BAG1: variants seen among roughly 807,000 people sequenced by gnomAD.
The protein encoded by BAG1 is BAG family molecular chaperone regulator 1.
BAG1 carries 35 observed loss-of-function variants against 35.5 expected under a neutral mutation model. The ratio of observed to expected loss-of-function variants is 0.99; its 90% confidence interval spans 0.75 to 1.31. The LOEUF is 1.31. BAG1 is among the 50% of genes most tolerant of loss of function. BAG1 has a pLI of 0.00. For synonymous variants in BAG1, 191 were observed against 178.9 expected (o/e 1.07, Z -0.54); for missense variants, 464 against 453.6 (o/e 1.02, Z -0.21).
Position 33,253,728 on chromosome 9 carries a change from T to C in BAG1, c.*1491A>G, listed in dbSNP as rs910805790. On this transcript the variant is annotated 3_prime_UTR_variant, in exon 7 of 7. Transcript: ENST00000634734. ...TATCAATGTTATTAAGCATAAATTA[T>C]GACTAGAGCCACAGAATGATTTCCT... 25 of 141,480 alleles carry C rather than the reference T, an allele frequency of 1.8e-4. No homozygotes were observed. The highest frequency in any genetic ancestry group is 6.6e-4 in the African/African-American group (24 of 36,260). The allele number at this position is 141,480 out of a possible 1,614,324, so 8.8% of individuals were successfully genotyped here.
rs180733352 is a variant in BAG1, at chr9:33,264,433, G to A, written c.242C>T (p.Thr81Ile). Residue 81 changes from threonine (T) to isoleucine (I), a missense_variant, in exon 1 of 7, where the codon ACC (threonine) becomes ATC (isoleucine). Transcript: ENST00000634734. ...GCTCCGGGTCAACTCCTCGCTCCGG[G>A]TCGAGCGGCGCCGGGTTTTCTTCTT... is the stretch of plus-strand genomic sequence containing the variant. 2.5e-6 allele frequency: 4 copies of A among 1,613,606 alleles called. No individual in the cohort carries two copies. In the South Asian group the frequency reaches 4.4e-5, roughly 18 times the overall value.
rs200482625 is a variant in BAG1 at position 33,261,078 on chromosome 9, G to T, written c.663+9C>A. The T allele has an allele frequency of 7.5e-6, 12 of 1,597,354 alleles. No homozygotes were observed. The highest frequency in any genetic ancestry group is 1.0e-5 in the Non-Finnish European group (12 of 1,170,668). On this transcript the variant is annotated intron_variant, in intron 3 of 6. Transcript: ENST00000634734. ...ATTCTGAGGATTTCTGATGGAAAAA[G>T]CAATTTACCTTTTTCCCAATTAACA... is the stretch of plus-strand genomic sequence containing the variant.
chr9:33,257,122 A>AGCAGGT lies in BAG1; in HGVS notation c.778-215_778-214insACCTGC. ...CAGGTTGCAGTCTGCTCTACCTCGC[A>AGCAGGT]TGACCCACTGTGGCTGCAAATGCCT... is the stretch of plus-strand genomic sequence containing the variant. On this transcript the variant is annotated intron_variant, in intron 4 of 6. Coordinates refer to ENST00000634734, the MANE Select transcript of BAG1 (RefSeq NM_004323.6). 13 of 514,384 alleles carry AGCAGGT rather than the reference A, an allele frequency of 2.5e-5. No individual in the cohort carries two copies. The South Asian group carries it at 3.5e-4, about 14-fold the overall frequency. The allele number at this position is 514,384 out of a possible 1,614,324, so 31.9% of individuals were successfully genotyped here.
chr9:33,262,871 A>C (rs776102791), intron 1 of BAG1, 41 bp from the exon 2 acceptor site: 4 of 1,609,130 alleles, frequency 2.5e-6, no homozygotes, highest in African/African-American at 1.3e-5. Context: ...TGATTCTTTC[A>C]CATACACCAA....
chr9:33,264,336 GCCCTGGGTCGCCTCCTCA>G lies in BAG1; in HGVS notation c.321_338del (p.Ala110_Glu115del), dbSNP rs779446080. The G allele has an allele frequency of 1.9e-6, 3 of 1,612,926 alleles. No homozygotes were observed. The Admixed American group carries it at 5.0e-5, about 27-fold the overall frequency. On this transcript the variant is annotated inframe_deletion, in exon 1 of 7. Transcript: ENST00000634734. ...CCTCCTGGCTCCGATTCATCTCTTC[GCCCTGGGTCGCCTCCTCA>G]CTCTGGGTCGCCTCTTCACTCCAGG...
At chr9:33,264,114 C>G (rs1820645877) in intron 1 of BAG1, 110 bp downstream of exon 1, 2 of 1,312,118 alleles carry the variant, frequency 1.5e-6, no homozygotes, top group Admixed American at 2.5e-5. Flanking sequence ...CGCTTCCGGA[C>G]GCCAGGACAA....
At chr9:33,259,195 T>C (rs1234734328) in intron 3 of BAG1, 162 bp from the exon 4 acceptor site, 3 of 502,618 alleles carry the variant, frequency 6.0e-6, no homozygotes, top group Non-Finnish European at 1.1e-5. Context: ...ACACTGTCTC[T>C]ACTAAAAAAA....
rs770536946 is a variant in BAG1 at position 33,264,239 on chromosome 9, C to A, written c.436G>T (p.Val146Leu). The A allele has an allele frequency of 2.2e-5, 35 of 1,608,982 alleles. No individual in the cohort carries two copies. The South Asian group carries it at 3.7e-4, about 17-fold the overall frequency. The change falls in exon 1 of 7, where the codon GTG becomes TTG. Residue 146 changes from valine (V) to leucine (L), a missense_variant. Val to Leu is a conservative substitution (Grantham distance 32, BLOSUM62 1). Transcript: ENST00000634734. ...CGACACTCACTGTGGGTGACAGTCA[C>A]GGTGAGCCCAGCTGCCGCCATTTCC... is the stretch of plus-strand genomic sequence containing the variant.
At chr9:33,261,201 A>G in intron 2 of BAG1, 32 bp from the exon 3 acceptor site, 1 of 1,502,844 alleles carries the variant, frequency 6.7e-7, no homozygotes, top group Non-Finnish European at 9.2e-7. Flanking sequence ...GCCAAGTTGT[A>G]ATAATTGTAC....
At chr9:33,255,530 G>A (rs1307504391) in intron 6 of BAG1, among the ~76,000 whole-genome samples, 1 of 152,234 alleles carries the variant, frequency 6.6e-6, no homozygotes. Flanking sequence ...CCCCTAAAAG[G>A]TGGTAAAGGC....
chr9:33,261,608 C>T (rs1361022956), intron 2 of BAG1, among the ~76,000 whole-genome samples: 1 of 152,168 alleles, frequency 6.6e-6, no homozygotes, highest in Non-Finnish European at 1.5e-5. Context: ...CTTTTTCATG[C>T]ATTCCTCTAT....
At position 33,252,565 on chromosome 9, in the gene BAG1, ATATATGT is replaced by A. The variant is rs1394984071; in HGVS notation, c.*2647_*2653del. 1 of 149,650 alleles carries A rather than the reference ATATATGT, an allele frequency of 6.7e-6. No homozygotes were observed. The highest frequency in any genetic ancestry group is 2.4e-5 in the African/African-American group (1 of 40,922). 9.3% of individuals were successfully genotyped at this position (149,650 alleles called of 1,614,324 possible). A position where few individuals can be genotyped will look rare whatever the true frequency, so the allele number is the denominator to read the frequency against. Reference sequence around the variant, plus strand: ...ATGTTATATATGTTATGTTATATATATATATGTTATATATGTAATATAACTATATTAC... The same window carrying A: ...ATGTTATATATGTTATGTTATATATATATATATGTAATATAACTATATTAC... On this transcript the variant is annotated 3_prime_UTR_variant, in exon 7 of 7. Transcript: ENST00000634734.
rs981295975 is a variant in BAG1, at chr9:33,253,332, T to C, written c.*1887A>G. 3 of 152,244 alleles carry C rather than the reference T, an allele frequency of 2.0e-5. No individual in the cohort carries two copies. Among genetic ancestry groups the C allele is most frequent in the Admixed American group, 1.3e-4 (2 of 15,292 alleles). The allele number at this position is 152,244 out of a possible 1,614,324, so 9.4% of individuals were successfully genotyped here. On this transcript the variant is annotated 3_prime_UTR_variant, in exon 7 of 7. Transcript: ENST00000634734. ...CGCTTACTCTACAACCTTGCGCTAATGACCTAAGTTCTCTTGGTTTCCTCA... is the reference window on the plus strand; with the variant it reads ...CGCTTACTCTACAACCTTGCGCTAACGACCTAAGTTCTCTTGGTTTCCTCA...
Position 33,264,700 on chromosome 9 carries a change from A to T in BAG1, c.-26T>A. ...GCCCGCACTTGTTGACCGCCCAGCG[A>T]TGGAAGCTGAGCGCGGCGTCTCACA... On this transcript the variant is annotated 5_prime_UTR_variant, in exon 1 of 7. Transcript: ENST00000634734. 7.3e-7 allele frequency: 1 copy of T among 1,361,258 alleles called. No homozygotes were observed. The highest frequency in any genetic ancestry group is 9.4e-7 in the Non-Finnish European group (1 of 1,062,966). The allele number at this position is 1,361,258 out of a possible 1,614,324, so 84.3% of individuals were successfully genotyped here.
chr9:33,260,493 CT>C (rs1820545573), intron 3 of BAG1: 1 of 152,226 alleles, frequency 6.6e-6, no homozygotes, highest in African/African-American at 2.4e-5. Flanking sequence ...ACTCAGCCAC[CT>C]AACTCACAAT....
chr9:33,259,180 GTGAAACACTGT>G, intron 3 of BAG1, 147 bp from the exon 4 acceptor site: 1 of 546,926 alleles, frequency 1.8e-6, no homozygotes, highest in African/African-American at 1.9e-5. Flanking sequence ...GGCCAACATG[GTGAAACACTGT>G]CTCTACTAAA....
Position 33,261,131 on chromosome 9 carries a change from G to C in BAG1, c.619C>G (p.Leu207Val). 6.2e-7 allele frequency: 1 copy of C among 1,610,824 alleles called. No homozygotes were observed. Among genetic ancestry groups the C allele is most frequent in the Non-Finnish European group, 8.5e-7 (1 of 1,178,838 alleles). Residue 207 changes from leucine to valine, a missense_variant, in exon 3 of 7, where the codon CTT becomes GTT. Coordinates refer to ENST00000634734, the MANE Select transcript of BAG1 (RefSeq NM_004323.6). Reference sequence around the variant, plus strand: ...ACCCGGCAACCATCTTGTATTCCAAGTGCTGACAACGGTGTTTCCATTTCC... The same window carrying C: ...ACCCGGCAACCATCTTGTATTCCAACTGCTGACAACGGTGTTTCCATTTCC...
At position 33,261,047 on chromosome 9, in the gene BAG1, C is replaced by A. The variant is rs578065772; in HGVS notation, c.663+40G>T. On this transcript the variant is annotated intron_variant, in intron 3 of 6. Coordinates refer to ENST00000634734, the MANE Select transcript of BAG1 (RefSeq NM_004323.6). ...AGAAACATGTATAAAAGACTTCAGT[C>A]ATTTGATTCTGAGGATTTCTGATGG... is the stretch of plus-strand genomic sequence containing the variant. The A allele has an allele frequency of 3.3e-6, 5 of 1,537,720 alleles. No individual in the cohort carries two copies. In the South Asian group the frequency reaches 4.7e-5, roughly 14 times the overall value.
At chr9:33,259,367 A>G (rs915073314) in intron 3 of BAG1, 1 of 163,470 alleles carries the variant, frequency 6.1e-6, no homozygotes, top group African/African-American at 2.4e-5. Flanking sequence ...GTCTCAAAAA[A>G]AAAAAAGAAA....
Sources: gnomAD v4.1 joint callset for allele counts (sites outside exome capture counted in the v4.1 genomes callset) on GRCh38, gnomAD v4.1.1 for gene constraint, MANE v1.5 for transcripts, NCBI Gene and HGNC (gene_info 2026-07-23, HGNC 2026-07-21) for gene names.